Variants in GATA4 observed in about 807,000 individuals in gnomAD.
GATA4 encodes transcription factor GATA-4.
Under a neutral mutation model 37.9 loss-of-function variants are expected in GATA4, and 7 were observed. That is an observed-to-expected ratio of 0.18 (90% CI 0.11 to 0.35). The LOEUF (loss-of-function observed/expected upper bound fraction) is 0.35, where lower values mean the gene tolerates loss of function less well. Ranked by LOEUF, GATA4 falls within the 10% of genes least tolerant of loss-of-function variation. GATA4 has a pLI of 1.00. For synonymous variants in GATA4, 372 were observed against 292.6 expected (o/e 1.27, Z -2.77); for missense variants, 647 against 653.0 (o/e 0.99, Z 0.10).
chr8:11,686,791 A>C (rs185567848), intron 1 of GATA4, among the ~76,000 whole-genome samples: 47 of 152,274 alleles, frequency 3.1e-4, no homozygotes, highest in African/African-American at 1.1e-3. Flanking sequence ...CGAGGTCAGG[A>C]GTTCGAGACC....
intron 2 of GATA4, among the ~76,000 whole-genome samples, chr8:11,731,996 C>A (rs937043301): frequency 6.6e-5 from 10 of 152,180 alleles, no homozygotes; most frequent in African/African-American, 2.4e-4. Flanking sequence ...GGGCTGATCA[C>A]TAAGGAGAAG....
At position 11,759,690 on chromosome 8, in the gene GATA4, C is replaced by G. The variant is rs1262239480; in HGVS notation, c.*1215C>G. On this transcript the variant is annotated 3_prime_UTR_variant, in exon 7 of 7. Transcript: ENST00000532059. ...GCTGCTCCGGGATCTGCCGCGTTCT[C>G]CTCTGCACATTGCTGTTTCTGCCCC... 1 of 152,322 alleles carries G rather than the reference C, an allele frequency of 6.6e-6. No individual in the cohort carries two copies. The highest frequency in any genetic ancestry group is 1.5e-5 in the Non-Finnish European group (1 of 68,112). 9.4% of individuals were successfully genotyped at this position (152,322 alleles called of 1,614,324 possible).
At position 11,750,157 on chromosome 8, in the gene GATA4, C is replaced by T. The variant is rs1236909953; in HGVS notation, c.833C>T (p.Thr278Ile). 2 of 1,614,014 alleles carry T rather than the reference C, an allele frequency of 1.2e-6. No homozygotes were observed. The highest frequency in any genetic ancestry group is 1.3e-5 in the African/African-American group (1 of 75,082). Residue 278 changes from threonine (T) to isoleucine (I), a missense_variant, in exon 4 of 7, where the codon ACC (threonine) becomes ATC (isoleucine). Thr to Ile is a moderately conservative substitution (Grantham distance 89). Around this residue, in one of 5 missense-constraint regions of GATA4, gnomAD observed 56 missense variants for 64.5 expected, o/e 0.87. Transcript: ENST00000532059. The stretch of plus-strand genomic sequence containing the variant: ...CTCTCCTGTGCCAACTGCCAGACCA[C>T]CACCACCACGCTGTGGCGCCGCAAT... ...VGLSCANCQT[T>I]TTTLWRRNAE...
intron 2 of GATA4, among the ~76,000 whole-genome samples, chr8:11,710,344 A>C (rs548026371): frequency 6.6e-6 from 1 of 152,212 alleles, no homozygotes; most frequent in South Asian, 2.1e-4. Flanking sequence ...GCGCGGCGAC[A>C]TGGCCACACA....
At chr8:11,686,804 C>A (rs1799150979) in intron 1 of GATA4, among the ~76,000 whole-genome samples, 1 of 152,102 alleles carries the variant, frequency 6.6e-6, no homozygotes, top group African/African-American at 2.4e-5. Flanking sequence ...TCGAGACCAG[C>A]CTGACCAACA....
upstream of GATA4, among the ~76,000 whole-genome samples, chr8:11,690,792 G>C (rs529564220): frequency 6.6e-6 from 1 of 152,346 alleles, no homozygotes; most frequent in African/African-American, 2.4e-5. Flanking sequence ...GATCGCTTGA[G>C]CCCAGGAATT....
chr8:11,713,079 G>C lies in GATA4; in HGVS notation c.616+4151G>C, dbSNP rs539611155. Among the ~76,000 whole-genome samples, 7 of 152,104 alleles carry C rather than the reference G, an allele frequency of 4.6e-5. No homozygotes were observed. The South Asian group carries it at 1.5e-3, about 32-fold the overall frequency. On this transcript the variant is annotated intron_variant, in intron 2 of 6. Coordinates refer to ENST00000532059, the MANE Select transcript of GATA4 (RefSeq NM_001308093.3). ...TTTTTTTTTCTATGTAACTGCTGTA[G>C]TTTTAACAATATCTTGCCATAGTTC...
rs748572046 is a variant in GATA4, at chr8:11,708,648, G to A, written c.336G>A (p.Gly112=). The part of the protein sequence containing the change: ...PPVSPRFSFP[G]TTGSLAAAAA... ...TGTCGCCGCGCTTCTCCTTCCCGGG[G>A]ACCACCGGGTCCCTGGCGGCCGCCG... The change falls in exon 2 of 7, where the codon GGG becomes GGA. Residue 112 remains glycine (G), a synonymous_variant. Transcript: ENST00000532059. The surrounding 1 kb of genome is among the most constrained non-coding windows in gnomAD (Gnocchi z 6.7). The A allele has an allele frequency of 2.6e-5, 34 of 1,326,342 alleles. No homozygotes were observed. The highest frequency in any genetic ancestry group is 1.3e-4 in the South Asian group (6 of 46,434). 82.2% of individuals were successfully genotyped at this position (1,326,342 alleles called of 1,614,324 possible).
At chr8:11,714,978 C>T (rs1017303426) in intron 2 of GATA4, among the ~76,000 whole-genome samples, 9 of 152,024 alleles carry the variant, frequency 5.9e-5, no homozygotes, top group East Asian at 5.8e-4. Flanking sequence ...ACAAGCACAC[C>T]GGCACATATT....
At chr8:11,712,609 C>G (rs1044192611) in intron 2 of GATA4, among the ~76,000 whole-genome samples, 1 of 151,172 alleles carries the variant, frequency 6.6e-6, no homozygotes, top group Non-Finnish European at 1.5e-5. Flanking sequence ...GTAATCCCAC[C>G]CTTTGGGAGG....
chr8:11,683,282 G>GC (rs1300601618), intron 1 of GATA4, among the ~76,000 whole-genome samples: 1 of 152,204 alleles, frequency 6.6e-6, no homozygotes, highest in Non-Finnish European at 1.5e-5. Flanking sequence ...GCGCAGAGCT[G>GC]CCCCACAGGT....
intron 1 of GATA4, chr8:11,697,861 T>C (rs997232375): frequency 1.0e-6 from 1 of 985,306 alleles, no homozygotes; most frequent in South Asian, 4.7e-5. Flanking sequence ...GGGAGCGGCC[T>C]TTGCGGAAAC....
upstream of GATA4, among the ~76,000 whole-genome samples, chr8:11,701,635 A>C (rs184146994): frequency 2.1e-3 from 326 of 152,282 alleles, 7 homozygotes; most frequent in East Asian, 0.044. Flanking sequence ...AAACACCCCC[A>C]AAAAAGCAGG....
chr8:11,756,473 C>A, intron 5 of GATA4: 1 of 224,380 alleles, frequency 4.5e-6, no homozygotes, highest in Non-Finnish European at 9.0e-6. Context: ...AATTCCAAAT[C>A]CAGGAAGCAA....
At position 11,755,102 on chromosome 8, in the gene GATA4, C is replaced by G. The variant is rs1802489642; in HGVS notation, c.969C>G (p.Pro323=). Residue 323 remains proline, a synonymous_variant, in exon 5 of 7, where the codon CCC becomes CCG. Transcript: ENST00000532059. ...GGATCCAAACCAGAAAACGGAAGCC[C>G]AAGAACCTGAATAAATCTAAGACAC... ...KEGIQTRKRK[P]KNLNKSKTPA... is the part of the protein sequence containing the mutation. The G allele has an allele frequency of 7.4e-6, 12 of 1,613,936 alleles. No homozygotes were observed. The highest frequency in any genetic ancestry group is 1.0e-5 in the Non-Finnish European group (12 of 1,179,982).
In GATA4 at chr8:11,708,836, C is replaced by T. The variant is rs1800025582; in HGVS notation, c.524C>T (p.Ala175Val). The T allele has an allele frequency of 6.7e-7, 1 of 1,496,260 alleles. No individual in the cohort carries two copies. The highest frequency in any genetic ancestry group is 2.7e-5 in the East Asian group (1 of 36,472). 92.7% of individuals were successfully genotyped at this position (1,496,260 alleles called of 1,614,324 possible). A position where few individuals can be genotyped will look rare whatever the true frequency, so the allele number is the denominator to read the frequency against. The change falls in exon 2 of 7, where the codon GCA (alanine) becomes GTA (valine). Residue 175 changes from alanine (A) to valine (V), a missense_variant. Physicochemically the swap from Ala to Val is moderately conservative, Grantham distance 64. This residue lies in a region of GATA4 where 379 missense variants were observed against 334.5 expected (regional missense o/e 1.13). Coordinates refer to ENST00000532059, the MANE Select transcript of GATA4 (RefSeq NM_001308093.3). This position sits in a 1 kb window ranked among gnomAD's most constrained non-coding sequence, Gnocchi z 6.7. ...GCCGACGTGGGCGCGTCCTGGGCCG[C>T]AGCCGCCGCCGCCTCCGCCGGCCCC... ...YMADVGASWA[A>V]AAAASAGPFD...
upstream of GATA4, among the ~76,000 whole-genome samples, chr8:11,691,137 C>T (rs771929844): frequency 6.6e-6 from 1 of 152,246 alleles, no homozygotes; most frequent in African/African-American, 2.4e-5. Flanking sequence ...TGGCATATAG[C>T]AATGTCCAGT....
chr8:11,757,185 C>CTGCTTGCACCTGTG, intron 6 of GATA4, 102 bp downstream of exon 6: 1 of 1,508,364 alleles, frequency 6.6e-7, no homozygotes, highest in Non-Finnish European at 9.0e-7. Flanking sequence ...CCAGGCCTCA[C>CTGCTTGCACCTGTG]AGGTGCAAGC....
chr8:11,748,950 G>A lies in GATA4; in HGVS notation c.651G>A (p.Glu217=), dbSNP rs753334396. Residue 217 remains glutamate, a synonymous_variant, in exon 3 of 7, where the codon GAG becomes GAA. Transcript: ENST00000532059. Reference sequence around the variant, plus strand: ...TTGACGACTTCTCAGAAGGCAGAGAGTGTGTCAACTGTGGGGCTATGTCCA... The same window carrying A: ...TTGACGACTTCTCAGAAGGCAGAGAATGTGTCAACTGTGGGGCTATGTCCA... ...DMFDDFSEGR[E]CVNCGAMSTP... 6.2e-7 allele frequency: 1 copy of A among 1,614,244 alleles called. No individual in the cohort carries two copies. The highest frequency in any genetic ancestry group is 1.3e-5 in the African/African-American group (1 of 75,066).
Sources: gnomAD v4.1 joint callset for allele counts (sites outside exome capture counted in the v4.1 genomes callset) on GRCh38, gnomAD v4.1.1 for gene constraint, gnomAD v4.1.1 regional missense constraint, Gnocchi (gnomAD v3.1) non-coding constraint, MANE v1.5 for transcripts, NCBI Gene and HGNC (gene_info 2026-07-23, HGNC 2026-07-21) for gene names.